The following GPRIN1 variants were observed in gnomAD, a reference collection of about 807,000 sequenced individuals.
GPRIN1 encodes the protein G protein-regulated inducer of neurite outgrowth 1.
GPRIN1 carries 4 observed loss-of-function variants against 2.8 expected under a neutral mutation model. That is an observed-to-expected ratio of 1.45 (90% CI 0.71 to 3.32). The LOEUF is 3.32. GPRIN1 is among the 30% of genes most tolerant of loss of function. The probability of loss-of-function intolerance (pLI) is 0.01; values close to 1 mark genes in which losing one functional copy is unlikely to be tolerated. For missense variants in GPRIN1, 1,322 were observed against 1,343.4 expected (o/e 0.98, Z 0.25); for synonymous variants, 589 against 589.9 (o/e 1.00, Z 0.02).
At position 176,599,327 on chromosome 5, in the gene GPRIN1, C is replaced by T; in HGVS notation, c.508G>A (p.Asp170Asn). The change falls in exon 2 of 2, where the codon GAT becomes AAT. Residue 170 changes from aspartate (D) to asparagine (N), a missense_variant. By Grantham distance (23) the Asp-to-Asn change is conservative (BLOSUM62 1). Around this residue, in one of 3 missense-constraint regions of GPRIN1, gnomAD observed 1,117 missense variants for 1,128.6 expected, o/e 0.99. Transcript: ENST00000303991. ...TCTGCCTTCCGTGAGGACCCAGGAT[C>T]CTCCTTTCCTATGGAAGTGGAATCG... Reference protein sequence around the residue: ...QADSTSIGKEDPGSSRKADPM... With the variant: ...QADSTSIGKENPGSSRKADPM... The T allele has an allele frequency of 6.2e-7, 1 of 1,614,218 alleles. No individual in the cohort carries two copies.
Position 176,599,802 on chromosome 5 carries a change from C to G in GPRIN1, c.33G>C (p.Gln11His). The G allele has an allele frequency of 6.7e-7, 1 of 1,499,424 alleles. No individual in the cohort carries two copies. The allele number at this position is 1,499,424 out of a possible 1,614,324, so 92.9% of individuals were successfully genotyped here. The part of the protein sequence containing the change: MDTAEDPAWL[Q>H]LLQKDSSPPG... ...GGGGGCTGGAATCCTTTTGAAGCAG[C>G]TGGAGCCAGGCCGGGTCTTCAGCAG... Residue 11 changes from glutamine to histidine, a missense_variant, in exon 2 of 2, where the codon CAG becomes CAC. Gln to His is a conservative substitution (Grantham distance 24). Transcript: ENST00000303991.
Position 176,602,953 on chromosome 5 carries a change from G to A in GPRIN1, c.-43-3076C>T, listed in dbSNP as rs958217347. ...TTATTTATAAAGAGAATTTCTGGAT[G>A]GAATCCTATAAAACTTTTAGCAGTG... On this transcript the variant is annotated intron_variant, in intron 1 of 1. Coordinates refer to ENST00000303991, the MANE Select transcript of GPRIN1 (RefSeq NM_052899.3). The surrounding 1 kb of genome is among the most constrained non-coding windows in gnomAD (Gnocchi z 4.4). Among the ~76,000 whole-genome samples, 3 of 152,340 alleles carry A rather than the reference G, an allele frequency of 2.0e-5. No homozygotes were observed. The highest frequency in any genetic ancestry group is 2.0e-4 in the Admixed American group (3 of 15,300).
chr5:176,609,645 C>G (rs1355337048), intron 1 of GPRIN1, among the ~76,000 whole-genome samples: 1 of 152,074 alleles, frequency 6.6e-6, no homozygotes, highest in Non-Finnish European at 1.5e-5. Context: ...GGAAGCACCC[C>G]CTCCCGCGCG....
At position 176,596,708 on chromosome 5, in the gene GPRIN1, C is replaced by T. The variant is rs1430807047; in HGVS notation, c.*100G>A. 8 of 1,040,972 alleles carry T rather than the reference C, an allele frequency of 7.7e-6. No individual in the cohort carries two copies. Among genetic ancestry groups the T allele is most frequent in the East Asian group, 7.4e-5 (2 of 26,980 alleles). The allele number at this position is 1,040,972 out of a possible 1,614,324, so 64.5% of individuals were successfully genotyped here. A position where few individuals can be genotyped will look rare whatever the true frequency, so the allele number is the denominator to read the frequency against. ...CAGCCCTAGAGGCTGCACAACCCCTCGGAGGCCTGTGGCACGCAGAGGGGA... is the reference window on the plus strand; with the variant it reads ...CAGCCCTAGAGGCTGCACAACCCCTTGGAGGCCTGTGGCACGCAGAGGGGA... On this transcript the variant is annotated 3_prime_UTR_variant, in exon 2 of 2. Transcript: ENST00000303991. This position sits in a 1 kb window ranked among gnomAD's most constrained non-coding sequence, Gnocchi z 5.2.
chr5:176,597,257 GC>G lies in GPRIN1; in HGVS notation c.2577del (p.Gln860ArgfsTer17). ...PSPPSRRDAG[L>X]QVSLGAAETR... ...GTCTCGGCGGCGCCCAGCGACACCT[GC>G]AGGCCCGCATCTCGGCGCGAGGGCG... On this transcript the variant is annotated frameshift_variant, in exon 2 of 2. Transcript: ENST00000303991. LOFTEE classifies it low-confidence loss of function (END_TRUNC). This position sits in a 1 kb window ranked among gnomAD's most constrained non-coding sequence, Gnocchi z 6.1. The G allele has an allele frequency of 8.0e-7, 1 of 1,247,682 alleles. No homozygotes were observed. The highest frequency in any genetic ancestry group is 1.0e-6 in the Non-Finnish European group (1 of 998,538). The allele number at this position is 1,247,682 out of a possible 1,614,324, so 77.3% of individuals were successfully genotyped here.
chr5:176,596,877 C>G lies in GPRIN1; in HGVS notation c.2958G>C (p.Leu986=). ...GCACACTCTGCAGCAGCGCGCGGAA[C>G]AGGCCGGGCGGACGCTTGGCGGCGC... ...PDGAAKRPPG[L]FRALLQSVRR... Residue 986 remains leucine (L), a synonymous_variant, in exon 2 of 2, where the codon CTG becomes CTC. Transcript: ENST00000303991. The surrounding 1 kb of genome is among the most constrained non-coding windows in gnomAD (Gnocchi z 5.2). 2 of 1,335,296 alleles carry G rather than the reference C, an allele frequency of 1.5e-6. No homozygotes were observed. The highest frequency in any genetic ancestry group is 1.5e-5 in the African/African-American group (1 of 66,692). 82.7% of individuals were successfully genotyped at this position (1,335,296 alleles called of 1,614,324 possible). A position where few individuals can be genotyped will look rare whatever the true frequency, so the allele number is the denominator to read the frequency against.
chr5:176,604,151 C>A (rs920484964), intron 1 of GPRIN1, among the ~76,000 whole-genome samples: 1 of 152,186 alleles, frequency 6.6e-6, no homozygotes, highest in Non-Finnish European at 1.5e-5. Context: ...GAGAAATAAA[C>A]AAGTGGCAAA....
Position 176,596,861 on chromosome 5 carries a change from GC to G in GPRIN1, c.2973del (p.Gln992ArgfsTer93). On this transcript the variant is annotated frameshift_variant, in exon 2 of 2. Coordinates refer to ENST00000303991, the MANE Select transcript of GPRIN1 (RefSeq NM_052899.3). LOFTEE classifies it high-confidence loss of function. The surrounding 1 kb of genome is among the most constrained non-coding windows in gnomAD (Gnocchi z 5.2). ...KRPPGLFRAL[L>X]QSVRRPRCCS... ...CAGCACCGCGGCCGGCGCACACTCTGCAGCAGCGCGCGGAACAGGCCGGGCG... is the reference window on the plus strand; with the variant it reads ...CAGCACCGCGGCCGGCGCACACTCTGAGCAGCGCGCGGAACAGGCCGGGCG... The G allele has an allele frequency of 7.2e-7, 1 of 1,387,476 alleles. No homozygotes were observed. Among genetic ancestry groups the G allele is most frequent in the Non-Finnish European group, 9.4e-7 (1 of 1,067,144 alleles). 85.9% of individuals were successfully genotyped at this position (1,387,476 alleles called of 1,614,324 possible).
intron 1 of GPRIN1, among the ~76,000 whole-genome samples, chr5:176,609,645 C>A (rs1355337048): frequency 6.6e-6 from 1 of 152,192 alleles, no homozygotes; most frequent in East Asian, 1.9e-4. Context: ...GGAAGCACCC[C>A]CTCCCGCGCG....
rs936869187 is a variant in GPRIN1 at position 176,595,807 on chromosome 5, G to A, written c.*1001C>T. On this transcript the variant is annotated 3_prime_UTR_variant, in exon 2 of 2. Coordinates refer to ENST00000303991, the MANE Select transcript of GPRIN1 (RefSeq NM_052899.3). ...CCAATCACGGCAGACAGGGGTTGGG[G>A]AAATATTTTATTACCAATGTATACT... 1.7e-5 allele frequency: 15 copies of A among 893,706 alleles called. No homozygotes were observed. In the East Asian group the frequency reaches 2.7e-4, roughly 16 times the overall value. 55.4% of individuals were successfully genotyped at this position (893,706 alleles called of 1,614,324 possible). A position where few individuals can be genotyped will look rare whatever the true frequency, so the allele number is the denominator to read the frequency against.
In GPRIN1 at chr5:176,597,859, A is replaced by G. The variant is rs1164726221; in HGVS notation, c.1976T>C (p.Leu659Ser). ...AAPGEAGAVC[L>S]KKETPQASEK... ...TGAGGCCTGTGGTGTCTCCTTTTTC[A>G]AACACACAGCCCCTGCTTCCCCTGG... The change falls in exon 2 of 2, where the codon TTG becomes TCG. Residue 659 changes from leucine to serine, a missense_variant. Coordinates refer to ENST00000303991, the MANE Select transcript of GPRIN1 (RefSeq NM_052899.3). This position sits in a 1 kb window ranked among gnomAD's most constrained non-coding sequence, Gnocchi z 6.1. The G allele has an allele frequency of 1.2e-6, 2 of 1,612,448 alleles. No homozygotes were observed. Among genetic ancestry groups the G allele is most frequent in the Admixed American group, 3.3e-5 (2 of 59,716 alleles).
chr5:176,598,981 A>G lies in GPRIN1; in HGVS notation c.854T>C (p.Leu285Ser), dbSNP rs753151130. ...GGGCCCAGGATCTCTCTTTCCCGAC[A>G]ATACAAGATCTACCTTTTCTGCAGA... is the stretch of plus-strand genomic sequence containing the variant. ...PTSAEKVDLVLSGKRDPGPSG... is the reference protein window; with the variant it reads ...PTSAEKVDLVSSGKRDPGPSG... The change falls in exon 2 of 2, where the codon TTG becomes TCG. Residue 285 changes from leucine (L) to serine (S), a missense_variant. By Grantham distance (145) the Leu-to-Ser change is moderately radical (BLOSUM62 -2). Coordinates refer to ENST00000303991, the MANE Select transcript of GPRIN1 (RefSeq NM_052899.3). 1.2e-6 allele frequency: 2 copies of G among 1,614,058 alleles called. No individual in the cohort carries two copies. The highest frequency in any genetic ancestry group is 1.1e-5 in the South Asian group (1 of 91,066).
intron 1 of GPRIN1, among the ~76,000 whole-genome samples, chr5:176,603,213 C>T (rs1343104405): frequency 6.6e-6 from 1 of 152,028 alleles, no homozygotes; most frequent in African/African-American, 2.4e-5. Context: ...CTTTCATTAC[C>T]CACTCCCACC....
At chr5:176,600,317 G>A (rs149953521) in intron 1 of GPRIN1, among the ~76,000 whole-genome samples, 18 of 152,072 alleles carry the variant, frequency 1.2e-4, no homozygotes, top group Non-Finnish European at 2.2e-4. Flanking sequence ...TGGTCAGGCT[G>A]GTTTCGAACT....
In GPRIN1 at chr5:176,599,293, A is replaced by G. The variant is rs777157568; in HGVS notation, c.542T>C (p.Phe181Ser). 1.9e-5 allele frequency: 31 copies of G among 1,613,328 alleles called. No homozygotes were observed. The South Asian group carries it at 3.3e-4, about 17-fold the overall frequency. ...PGSSRKADPM[F>S]TGKAEPEILG... ...GATTTCAGGCTCTGCCTTTCCTGTA[A>G]ACATGGGATCTGCCTTCCGTGAGGA... is the stretch of plus-strand genomic sequence containing the variant. The change falls in exon 2 of 2, where the codon TTT becomes TCT. Residue 181 changes from phenylalanine (F) to serine (S), a missense_variant. Around this residue, in one of 3 missense-constraint regions of GPRIN1, gnomAD observed 1,117 missense variants for 1,128.6 expected, o/e 0.99. Coordinates refer to ENST00000303991, the MANE Select transcript of GPRIN1 (RefSeq NM_052899.3).
In GPRIN1 at chr5:176,596,891, G is replaced by C; in HGVS notation, c.2944C>G (p.Arg982Gly). ...AGCGCGCGGAACAGGCCGGGCGGAC[G>C]CTTGGCGGCGCCATCTGGGGGCGCG... ...RTAPPDGAAK[R>G]PPGLFRALLQ... The change falls in exon 2 of 2, where the codon CGT (arginine) becomes GGT (glycine). Residue 982 changes from arginine to glycine, a missense_variant. By Grantham distance (125) the Arg-to-Gly change is moderately radical (BLOSUM62 -2). Coordinates refer to ENST00000303991, the MANE Select transcript of GPRIN1 (RefSeq NM_052899.3). This position sits in a 1 kb window ranked among gnomAD's most constrained non-coding sequence, Gnocchi z 5.2. 7.9e-7 allele frequency: 1 copy of C among 1,272,818 alleles called. No homozygotes were observed. Among genetic ancestry groups the C allele is most frequent in the Non-Finnish European group, 9.9e-7 (1 of 1,009,644 alleles). 78.8% of individuals were successfully genotyped at this position (1,272,818 alleles called of 1,614,324 possible).
chr5:176,610,155 G>GC lies in GPRIN1; in HGVS notation c.-201dup, dbSNP rs1182961615. ...TCCCCAGCGCCGGCTCCGCGCTCCC[G>GC]CCCCGCGCCCCGCCCCGGGCATGCG... On this transcript the variant is annotated 5_prime_UTR_variant, in exon 1 of 2. Coordinates refer to ENST00000303991, the MANE Select transcript of GPRIN1 (RefSeq NM_052899.3). The GC allele has an allele frequency of 2.7e-5, 4 of 150,158 alleles. No individual in the cohort carries two copies. The East Asian group carries it at 7.9e-4, about 30-fold the overall frequency. The allele number at this position is 150,158 out of a possible 1,614,324, so 9.3% of individuals were successfully genotyped here.
intron 1 of GPRIN1, among the ~76,000 whole-genome samples, chr5:176,607,634 G>A (rs150316358): frequency 1.3e-5 from 2 of 152,170 alleles, no homozygotes; most frequent in African/African-American, 4.8e-5. Context: ...ATGAGCCACT[G>A]CACCCGGTCT....
chr5:176,596,026 G>C lies in GPRIN1; in HGVS notation c.*782C>G, dbSNP rs990088845. ...AGAACACCGGTCACCCAGGATGCCAGGGCCCAAGAGCTTCTGTGAGCCCAG... is the reference window on the plus strand; with the variant it reads ...AGAACACCGGTCACCCAGGATGCCACGGCCCAAGAGCTTCTGTGAGCCCAG... On this transcript the variant is annotated 3_prime_UTR_variant, in exon 2 of 2. Transcript: ENST00000303991. This position sits in a 1 kb window ranked among gnomAD's most constrained non-coding sequence, Gnocchi z 5.2. The C allele has an allele frequency of 5.6e-6, 1 of 178,050 alleles. No homozygotes were observed. Among genetic ancestry groups the C allele is most frequent in the Non-Finnish European group, 1.2e-5 (1 of 85,712 alleles). 11.0% of individuals were successfully genotyped at this position (178,050 alleles called of 1,614,324 possible).
Sources: gnomAD v4.1 joint callset for allele counts (sites outside exome capture counted in the v4.1 genomes callset) on GRCh38, gnomAD v4.1.1 for gene constraint, gnomAD v4.1.1 regional missense constraint, Gnocchi (gnomAD v3.1) non-coding constraint, MANE v1.5 for transcripts, NCBI Gene and HGNC (gene_info 2026-07-23, HGNC 2026-07-21) for gene names.